The following CAPZB variants were observed in gnomAD, a reference collection of about 807,000 sequenced individuals.
CAPZB encodes F-actin-capping protein subunit beta.
In CAPZB, 2 loss-of-function variants were observed where a neutral mutation model predicts 38.1. The ratio of observed to expected loss-of-function variants is 0.05; its 90% CI spans 0.02 to 0.17. CAPZB has a LOEUF of 0.17. CAPZB is among the 10% of genes least tolerant of loss of function. The probability of loss-of-function intolerance (pLI) is 1.00; values close to 1 mark genes in which losing one functional copy is unlikely to be tolerated. For missense variants in CAPZB, 161 were observed against 334.2 expected (o/e 0.48, Z 4.04); for synonymous variants, 107 against 127.4 (o/e 0.84, Z 1.08).
At chr1:19,368,499 A>AGG (rs1558191770) in intron 4 of CAPZB, among the ~76,000 whole-genome samples, 2,216 of 148,118 alleles carry the variant, frequency 0.015, 65 homozygotes, top group African/African-American at 0.052. Context: ...TTCTTGGAAA[A>AGG]AAAAAAAAAA....
intron 3 of CAPZB, among the ~76,000 whole-genome samples, chr1:19,383,637 C>T (rs561263356): frequency 1.1e-4 from 17 of 152,172 alleles, no homozygotes; most frequent in African/African-American, 3.4e-4. Flanking sequence ...TGAATTTGAT[C>T]GGCCTCAGGG....
chr1:19,412,087 T>C (rs920635675), intron 2 of CAPZB, among the ~76,000 whole-genome samples: 7 of 152,028 alleles, frequency 4.6e-5, no homozygotes, highest in Non-Finnish European at 1.5e-5. Flanking sequence ...AGGAATGGAG[T>C]TTATTAAAAT....
intron 1 of CAPZB, among the ~76,000 whole-genome samples, chr1:19,460,120 C>T (rs1381981993): frequency 6.6e-6 from 1 of 152,212 alleles, no homozygotes; most frequent in East Asian, 1.9e-4. Context: ...TAAGAACAAA[C>T]CTTCTATCTG....
intron 1 of CAPZB, among the ~76,000 whole-genome samples, chr1:19,471,593 T>A (rs146778899): frequency 8.4e-5 from 12 of 142,848 alleles, no homozygotes; most frequent in African/African-American, 1.5e-4. Flanking sequence ...GGCTGGGCGC[T>A]GTGGCTCACA....
Position 19,432,075 on chromosome 1 carries a change from A to AG in CAPZB, c.4-12326dup, listed in dbSNP as rs1340907538. 3.3e-5 allele frequency among the ~76,000 whole-genome samples: 5 copies of AG among 151,482 alleles called. No individual in the cohort carries two copies. The South Asian group carries it at 1.0e-3, about 32-fold the overall frequency. ...AAAAAAAAAAAAAAAAGAAAAAAAA[A>AG]GAAAATACGCTTTGACTCTTTTGAA... On this transcript the variant is annotated intron_variant, in intron 1 of 8. Transcript: ENST00000264202.
chr1:19,378,514 A>G, intron 4 of CAPZB, 26 bp downstream of exon 4: 1 of 1,308,048 alleles, frequency 7.6e-7, no homozygotes, highest in Non-Finnish European at 1.1e-6. Flanking sequence ...ACAAGCGCTA[A>G]AGTGCAACAG....
At chr1:19,429,090 A>T (rs1201793789) in intron 1 of CAPZB, among the ~76,000 whole-genome samples, 1 of 152,216 alleles carries the variant, frequency 6.6e-6, no homozygotes, top group East Asian at 1.9e-4. Context: ...CAATGAACAC[A>T]GCTAAACCAT....
chr1:19,394,171 TTA>T (rs2094253602), intron 2 of CAPZB, among the ~76,000 whole-genome samples: 1 of 152,190 alleles, frequency 6.6e-6, no homozygotes, highest in East Asian at 1.9e-4. Flanking sequence ...CAGCTAATTT[TTA>T]TATGTTTATA....
chr1:19,451,056 C>T (rs918555912), intron 1 of CAPZB, among the ~76,000 whole-genome samples: 1 of 152,222 alleles, frequency 6.6e-6, no homozygotes, highest in Admixed American at 6.5e-5. Context: ...CAAACATTAT[C>T]ACTGACTGTT....
At position 19,368,057 on chromosome 1, in the gene CAPZB, T is replaced by G. The variant is rs145282263; in HGVS notation, c.329+10483A>C. Among the ~76,000 whole-genome samples the G allele has an allele frequency of 4.5e-4, 69 of 152,296 alleles. 1 individual carries two copies. The East Asian group carries it at 0.011, about 24-fold the overall frequency. On this transcript the variant is annotated intron_variant, in intron 4 of 8. Transcript: ENST00000264202. ...CACTCTCATCCAAAGCTGCCATTGT[T>G]GAGAACTCATTCTGTGTCAGGGGCT... is the stretch of plus-strand genomic sequence containing the variant.
intron 1 of CAPZB, among the ~76,000 whole-genome samples, chr1:19,432,269 C>A (rs1411747254): frequency 6.6e-6 from 1 of 151,302 alleles, no homozygotes; most frequent in Non-Finnish European, 1.5e-5. Context: ...TGGCAAAACC[C>A]CATCTCCATC....
rs75905250 is a variant in CAPZB, at chr1:19,436,087, A to T, written c.4-16337T>A. Among the ~76,000 whole-genome samples the T allele has an allele frequency of 9.8e-3, 1,497 of 152,206 alleles. 62 individuals carry two copies. The East Asian group carries it at 0.12, about 13-fold the overall frequency. On this transcript the variant is annotated intron_variant, in intron 1 of 8. Coordinates refer to ENST00000264202, the MANE Select transcript of CAPZB (RefSeq NM_004930.5). The stretch of plus-strand genomic sequence containing the variant: ...AAATGAGGGTAGTAACACAGTAGTC[A>T]CCCCTTATCTGCAGTTTTGTTTTTT...
At chr1:19,456,517 C>T (rs1000415018) in intron 1 of CAPZB, among the ~76,000 whole-genome samples, 20 of 152,170 alleles carry the variant, frequency 1.3e-4, no homozygotes, top group Admixed American at 9.2e-4. Context: ...TTCCCTTCAA[C>T]GTAGGTGTTC....
chr1:19,359,210 CTTTTTTTTTTTT>C (rs57251931), intron 4 of CAPZB, among the ~76,000 whole-genome samples: 2 of 114,412 alleles, frequency 1.7e-5, no homozygotes, highest in Admixed American at 9.2e-5. Context: ...TCTCTGTACT[CTTTTTTTTTTTT>C]TTTTTTTTTT....
At chr1:19,438,145 G>A (rs1239175617) in intron 1 of CAPZB, among the ~76,000 whole-genome samples, 2 of 152,142 alleles carry the variant, frequency 1.3e-5, no homozygotes, top group East Asian at 1.9e-4. Flanking sequence ...TTAGAGGATC[G>A]TGGGAATGCT....
At chr1:19,484,281 G>T in intron 1 of CAPZB, 1 of 1,611,230 alleles carries the variant, frequency 6.2e-7, no homozygotes, top group Non-Finnish European at 8.5e-7. Flanking sequence ...TGGGTGCATC[G>T]TGTCCAGGCC....
chr1:19,463,830 A>G (rs989416386), intron 1 of CAPZB, among the ~76,000 whole-genome samples: 43 of 152,300 alleles, frequency 2.8e-4, no homozygotes, highest in East Asian at 2.7e-3. Context: ...TTCACCCTCT[A>G]TGTTAAAAAG....
intron 4 of CAPZB, among the ~76,000 whole-genome samples, chr1:19,374,886 G>A (rs1558197585): frequency 6.6e-6 from 1 of 152,238 alleles, no homozygotes; most frequent in East Asian, 1.9e-4. Flanking sequence ...CTGTGAGAAA[G>A]TGTTTGTATG....
intron 4 of CAPZB, among the ~76,000 whole-genome samples, chr1:19,361,276 A>C (rs1031594464): frequency 1.2e-4 from 18 of 152,182 alleles, no homozygotes; most frequent in African/African-American, 4.3e-4. Context: ...GGGTGTTCCA[A>C]CTGAGGTGAG....
Sources: allele counts gnomAD v4.1 joint callset (sites outside exome capture counted in the v4.1 genomes callset), GRCh38; gene constraint gnomAD v4.1.1; transcripts MANE v1.5; gene names NCBI Gene and HGNC (gene_info 2026-07-23, HGNC 2026-07-21).